The following CNTNAP2 variants were observed in gnomAD, a reference collection of about 807,000 sequenced individuals.
CNTNAP2 encodes contactin associated protein 2.
In CNTNAP2, 98 loss-of-function variants were observed where a neutral mutation model predicts 155.2. The ratio of observed to expected loss-of-function variants is 0.63; its 90% CI spans 0.54 to 0.75. CNTNAP2 has a LOEUF of 0.75. Among genes scored for constraint, CNTNAP2 ranks in the 30% least tolerant of loss-of-function variants. The pLI, the probability that CNTNAP2 is intolerant of heterozygous loss-of-function variation, is 0.00. For synonymous variants in CNTNAP2, 651 were observed against 631.2 expected, an observed-to-expected ratio of 1.03 and a Z score of -0.47; for missense variants, 1,727 against 1,688.1, an observed-to-expected ratio of 1.02 and a Z score of -0.40.
chr7:147,564,282 T>C (rs1298244087), intron 12 of CNTNAP2, among the ~76,000 whole-genome samples: 1 of 152,110 alleles, frequency 6.6e-6, no homozygotes, highest in Non-Finnish European at 1.5e-5. Flanking sequence ...TTTTTTTCTA[T>C]TTTGAAAAAG....
intron 1 of CNTNAP2, among the ~76,000 whole-genome samples, chr7:146,461,288 C>T (rs1048035850): frequency 1.5e-4 from 23 of 151,612 alleles, no homozygotes; most frequent in African/African-American, 5.6e-4. Context: ...ACCTGTAGTC[C>T]CAGTTACTCA....
At chr7:148,381,357 C>T (rs986746360) in intron 21 of CNTNAP2, 3 of 152,212 alleles carry the variant, frequency 2.0e-5, no homozygotes, top group African/African-American at 7.2e-5. Flanking sequence ...TGACATCACA[C>T]AAATTGAAGG....
In CNTNAP2 at chr7:147,113,970, T is replaced by C. The variant is rs535394741; in HGVS notation, c.754+5620T>C. On this transcript the variant is annotated intron_variant, in intron 5 of 23. Transcript: ENST00000361727. Reference sequence around the variant, plus strand: ...GCATTTAGGGCCACAAATTTCCCTCTTAACACTGCTTTAACTGCATCCCAG... The same window carrying C: ...GCATTTAGGGCCACAAATTTCCCTCCTAACACTGCTTTAACTGCATCCCAG... 2.6e-5 allele frequency among the ~76,000 whole-genome samples: 4 copies of C among 152,342 alleles called. 1 individual carries two copies. Among genetic ancestry groups the C allele is most frequent in the African/African-American group, 7.2e-5 (3 of 41,574 alleles).
chr7:147,542,030 A>C (rs1799649275), intron 11 of CNTNAP2, among the ~76,000 whole-genome samples: 2 of 152,202 alleles, frequency 1.3e-5, no homozygotes, highest in Admixed American at 1.3e-4. Context: ...GTGCTTTGAA[A>C]TTCTAAGGGT....
intron 15 of CNTNAP2, among the ~76,000 whole-genome samples, chr7:148,076,179 T>A (rs940168268): frequency 1.3e-5 from 2 of 152,160 alleles, no homozygotes; most frequent in African/African-American, 4.8e-5. Context: ...GGGTGGCAAA[T>A]ACTGTCCATG....
chr7:147,334,669 G>C (rs995530186), intron 9 of CNTNAP2, among the ~76,000 whole-genome samples: 4 of 152,148 alleles, frequency 2.6e-5, no homozygotes, highest in Admixed American at 1.3e-4. Flanking sequence ...AGCTGAGAAG[G>C]AGCCAGTGAG....
At chr7:146,345,999 CTG>C (rs1794813322) in intron 1 of CNTNAP2, among the ~76,000 whole-genome samples, 2 of 152,142 alleles carry the variant, frequency 1.3e-5, no homozygotes, top group African/African-American at 4.8e-5. Context: ...AGCTCTGCCT[CTG>C]TATAAATGAG....
At chr7:147,335,668 T>C (rs1254593791) in intron 9 of CNTNAP2, among the ~76,000 whole-genome samples, 1 of 152,140 alleles carries the variant, frequency 6.6e-6, no homozygotes, top group African/African-American at 2.4e-5. Flanking sequence ...GAGAAATAAA[T>C]TATTTATTTA....
At chr7:148,299,160 T>G (rs1481348811) in intron 21 of CNTNAP2, among the ~76,000 whole-genome samples, 1 of 151,820 alleles carries the variant, frequency 6.6e-6, no homozygotes, top group Non-Finnish European at 1.5e-5. Flanking sequence ...CTGGCTAATG[T>G]TTTGTATTTT....
intron 9 of CNTNAP2, among the ~76,000 whole-genome samples, chr7:147,376,518 T>C (rs145704257): frequency 1.3e-5 from 2 of 152,146 alleles, no homozygotes; most frequent in African/African-American, 4.8e-5. Context: ...TTTTACCTTT[T>C]TTCATTGTAT....
rs145752836 is a variant in CNTNAP2, at chr7:146,858,012, G to A, written c.402+18108G>A. Among the ~76,000 whole-genome samples the A allele has an allele frequency of 6.7e-3, 1,027 of 152,246 alleles. 6 individuals carry two copies. Among genetic ancestry groups the A allele is most frequent in the Admixed American group, 0.012 (188 of 15,282 alleles). ...CACTTATCAGAATAAGTTTGAAAGT[G>A]GAAAGAAAGAAGACGTGACATTAGC... is the stretch of plus-strand genomic sequence containing the variant. On this transcript the variant is annotated intron_variant, in intron 3 of 23. Coordinates refer to ENST00000361727, the MANE Select transcript of CNTNAP2 (RefSeq NM_014141.6).
At chr7:146,773,578 A>G (rs1297408050) in intron 1 of CNTNAP2, among the ~76,000 whole-genome samples, 2 of 152,076 alleles carry the variant, frequency 1.3e-5, no homozygotes, top group Non-Finnish European at 2.9e-5. Flanking sequence ...CATTTTTAGT[A>G]GAGATGGGGT....
intron 1 of CNTNAP2, among the ~76,000 whole-genome samples, chr7:146,259,814 G>A (rs776330225): frequency 3.9e-5 from 6 of 152,210 alleles, no homozygotes; most frequent in Non-Finnish European, 7.3e-5. Flanking sequence ...TATTTTCTTG[G>A]GAGAAATTCA....
intron 14 of CNTNAP2, among the ~76,000 whole-genome samples, chr7:147,959,265 C>T (rs1801075587): frequency 6.6e-6 from 1 of 152,004 alleles, no homozygotes; most frequent in Admixed American, 6.6e-5. Flanking sequence ...TAGCGTCTTT[C>T]CATGACCTTC....
intron 15 of CNTNAP2, among the ~76,000 whole-genome samples, chr7:148,090,609 G>T (rs1429166656): frequency 6.6e-6 from 1 of 152,054 alleles, no homozygotes; most frequent in Non-Finnish European, 1.5e-5. Context: ...ACAAGTGTTG[G>T]TGAGAATGTG....
chr7:148,015,478 C>T (rs922022464), intron 15 of CNTNAP2, among the ~76,000 whole-genome samples: 4 of 152,162 alleles, frequency 2.6e-5, no homozygotes, highest in Admixed American at 1.3e-4. Flanking sequence ...CGGGCATCGG[C>T]GAGACCCAGT....
chr7:147,519,679 G>A (rs774172522), intron 11 of CNTNAP2, among the ~76,000 whole-genome samples: 1 of 152,134 alleles, frequency 6.6e-6, no homozygotes, highest in Non-Finnish European at 1.5e-5. Flanking sequence ...CCTGGCCAAC[G>A]GGGTGCAACC....
At chr7:146,958,245 A>G (rs1014211838) in intron 3 of CNTNAP2, among the ~76,000 whole-genome samples, 13 of 152,144 alleles carry the variant, frequency 8.5e-5, no homozygotes, top group African/African-American at 2.7e-4. Flanking sequence ...GAGAAATACA[A>G]ATAGAACCTA....
intron 3 of CNTNAP2, among the ~76,000 whole-genome samples, chr7:146,893,224 C>T (rs959602276): frequency 3.3e-5 from 5 of 152,006 alleles, no homozygotes; most frequent in South Asian, 2.1e-4. Context: ...TTCCTAGTCA[C>T]GATCAAAGCA....
Sources: gnomAD v4.1 joint callset for allele counts (sites outside exome capture counted in the v4.1 genomes callset) on GRCh38, gnomAD v4.1.1 for gene constraint, MANE v1.5 for transcripts, NCBI Gene and HGNC (gene_info 2026-07-23, HGNC 2026-07-21) for gene names.